Variants in TUB observed in about 807,000 individuals in gnomAD.
TUB encodes the protein tubby protein homolog.
Under a neutral mutation model 59.7 loss-of-function variants are expected in TUB, and 33 were observed. The observed-to-expected ratio is 0.55, with a 90% CI of 0.42 to 0.74. The LOEUF is 0.74. TUB is among the 30% of genes least tolerant of loss of function. TUB has a pLI of 0.00. For missense variants in TUB, 659 were observed against 672.0 expected (o/e 0.98, Z 0.21); for synonymous variants, 293 against 256.4 (o/e 1.14, Z -1.36).
rs1040381457 is a variant in TUB at position 8,103,817 on chromosome 11, C to T, written c.*2198C>T. On this transcript the variant is annotated 3_prime_UTR_variant, in exon 12 of 12. Coordinates refer to ENST00000299506, the MANE Select transcript of TUB (RefSeq NM_177972.3). ...ATCTATGATTTTAAGATAGAACAGG[C>T]TGGTTCTGAGTTCTGGTGAGACGGA... 3 of 152,592 alleles carry T rather than the reference C, an allele frequency of 2.0e-5. No homozygotes were observed. The highest frequency in any genetic ancestry group is 4.4e-5 in the Non-Finnish European group (3 of 68,058). The allele number at this position is 152,592 out of a possible 1,614,324, so 9.5% of individuals were successfully genotyped here.
rs1160814947 is a variant in TUB at position 8,089,502 on chromosome 11, C to T, written c.39-108C>T. On this transcript the variant is annotated intron_variant, in intron 1 of 11. Transcript: ENST00000299506. ...ATGTGGGCTCACTGAGTCCCAGCAG[C>T]CGTGATGGGATGGGTTTAACGGGCC... 6.0e-6 allele frequency: 8 copies of T among 1,334,798 alleles called. No homozygotes were observed. The South Asian group carries it at 9.8e-5, about 16-fold the overall frequency. 82.7% of individuals were successfully genotyped at this position (1,334,798 alleles called of 1,614,324 possible). A position where few individuals can be genotyped will look rare whatever the true frequency, so the allele number is the denominator to read the frequency against.
chr11:8,032,294 T>G (rs1036473967), intron 1 of TUB, among the ~76,000 whole-genome samples: 1 of 152,130 alleles, frequency 6.6e-6, no homozygotes, highest in Non-Finnish European at 1.5e-5. Flanking sequence ...AGTATCGCCC[T>G]ACAAGGCAGC....
At chr11:8,067,319 G>A (rs1943264893) in intron 2 of TUB, 1 of 152,198 alleles carries the variant, frequency 6.6e-6, no homozygotes, top group African/African-American at 2.4e-5. Context: ...TTTGGCCCCT[G>A]GCTCTGCTCC....
rs1415298754 is a variant in TUB, at chr11:8,039,733, G to A, written c.203+41G>A. 6 of 1,477,620 alleles carry A rather than the reference G, an allele frequency of 4.1e-6. No homozygotes were observed. In the Admixed American group the frequency reaches 7.2e-5, roughly 18 times the overall value. The allele number at this position is 1,477,620 out of a possible 1,614,324, so 91.5% of individuals were successfully genotyped here. On this transcript the variant is annotated intron_variant, in intron 2 of 12. Coordinates refer to the TUB transcript ENST00000305253. ...GGAGGGCGTGCCGGCCCTGGGAAAG[G>A]GCCAACCACAGGAGACTGTGAGGGA...
intron 2 of TUB, chr11:8,075,974 C>T (rs934316650): frequency 6.6e-6 from 1 of 152,254 alleles, no homozygotes; most frequent in Non-Finnish European, 1.5e-5. Flanking sequence ...GAGACCACCC[C>T]ATCGCTGGAG....
intron 1 of TUB, among the ~76,000 whole-genome samples, chr11:8,087,378 G>C (rs1943687894): frequency 6.6e-6 from 1 of 152,262 alleles, no homozygotes; most frequent in South Asian, 2.1e-4. Flanking sequence ...CCCTCTGAAA[G>C]TGTGAGTGGC....
In TUB at chr11:8,081,271, GCGCGCACGACC is replaced by G. The variant is rs1333330074; in HGVS notation, c.-232_-222del. 28 of 703,670 alleles carry G rather than the reference GCGCGCACGACC, an allele frequency of 4.0e-5. No homozygotes were observed. Among genetic ancestry groups the G allele is most frequent in the Non-Finnish European group, 4.9e-5 (28 of 572,842 alleles). 43.6% of individuals were successfully genotyped at this position (703,670 alleles called of 1,614,324 possible). On this transcript the variant is annotated 5_prime_UTR_variant, in exon 1 of 12. Coordinates refer to ENST00000299506, the MANE Select transcript of TUB (RefSeq NM_177972.3). The stretch of plus-strand genomic sequence containing the variant: ...GCGGTCGGCCTCCCCGCCTCCACGC[GCGCGCACGACC>G]CGCGCACTCCCGGAGCTTCGCCCAT...
At chr11:8,054,774 T>C (rs1349404555) in intron 2 of TUB, among the ~76,000 whole-genome samples, 1 of 152,236 alleles carries the variant, frequency 6.6e-6, no homozygotes. Flanking sequence ...CCTGTGTTCA[T>C]ACATGTGCAT....
rs1448022686 is a variant in TUB, at chr11:8,100,599, A to C, written c.1213A>C (p.Asn405His). Residue 405 changes from asparagine (N) to histidine (H), a missense_variant and splice_region_variant, in exon 10 of 12, where the codon AAC becomes CAC. Asn to His is a moderately conservative substitution (Grantham distance 68). This residue lies in a region of TUB where 226 missense variants were observed against 210.8 expected (regional missense o/e 1.07). Coordinates refer to ENST00000299506, the MANE Select transcript of TUB (RefSeq NM_177972.3). ...VHERVSIRPR[N>H]EHETLLARWQ... ...TGAGAGAGTCTCTATCCGCCCCCGC[A>C]ACGTGAGTGTCTACCCCTTCCTCCC... 1 of 1,613,624 alleles carries C rather than the reference A, an allele frequency of 6.2e-7. No homozygotes were observed. Among genetic ancestry groups the C allele is most frequent in the East Asian group, 2.2e-5 (1 of 44,864 alleles).
chr11:8,035,080 G>T (rs561450957), upstream of TUB, among the ~76,000 whole-genome samples: 26 of 152,336 alleles, frequency 1.7e-4, no homozygotes, highest in Admixed American at 9.8e-4. Context: ...TGAGACTAGG[G>T]TGAGGCTAGA....
chr11:8,078,549 C>T (rs930221386), upstream of TUB, among the ~76,000 whole-genome samples: 9 of 152,088 alleles, frequency 5.9e-5, no homozygotes, highest in Non-Finnish European at 1.5e-5. Flanking sequence ...ATGTCAACCA[C>T]GGAAGTCATT....
intron 1 of TUB, among the ~76,000 whole-genome samples, chr11:8,020,275 GGGCTGGAAGACAAACTTCATT>G (rs569332924): frequency 6.2e-4 from 94 of 152,294 alleles, no homozygotes; most frequent in African/African-American, 2.2e-3. Flanking sequence ...TAGATGGTGA[GGGCTGGAAGACAAACTTCATT>G]TACTGGGCTG....
intron 2 of TUB, among the ~76,000 whole-genome samples, chr11:8,056,820 C>A (rs1419575768): frequency 6.6e-6 from 1 of 151,832 alleles, no homozygotes; most frequent in Non-Finnish European, 1.5e-5. Flanking sequence ...GCAGGCATGT[C>A]CCCAAAACAA....
intron 2 of TUB, among the ~76,000 whole-genome samples, chr11:8,058,363 G>A (rs1270472679): frequency 6.6e-6 from 1 of 152,166 alleles, no homozygotes; most frequent in African/African-American, 2.4e-5. Context: ...GGGTGGAACT[G>A]CCACGTGACC....
chr11:8,074,236 G>A (rs1943409112), intron 2 of TUB, among the ~76,000 whole-genome samples: 1 of 152,080 alleles, frequency 6.6e-6, no homozygotes, highest in Non-Finnish European at 1.5e-5. Context: ...GAGCTAAGAG[G>A]AGGTTCAAAC....
intron 1 of TUB, among the ~76,000 whole-genome samples, chr11:8,025,501 C>T (rs901026143): frequency 6.6e-6 from 1 of 152,114 alleles, no homozygotes; most frequent in Non-Finnish European, 1.5e-5. Context: ...CCCAACTCCC[C>T]GCACCCACTC....
chr11:8,083,613 G>C (rs7928493), intron 1 of TUB, among the ~76,000 whole-genome samples: 126,056 of 151,230 alleles, frequency 0.83, 54,069 homozygotes, highest in East Asian at 1. Context: ...CCCCTCCACC[G>C]CCACCCCTCC....
chr11:8,028,394 C>A (rs1248111404), intron 1 of TUB, among the ~76,000 whole-genome samples: 1 of 152,160 alleles, frequency 6.6e-6, no homozygotes, highest in Non-Finnish European at 1.5e-5. Flanking sequence ...GTTGTCTTCT[C>A]ACTTTCTTGA....
At chr11:8,056,482 C>T (rs1231865007) in intron 2 of TUB, among the ~76,000 whole-genome samples, 1 of 151,948 alleles carries the variant, frequency 6.6e-6, no homozygotes, top group Non-Finnish European at 1.5e-5. Context: ...GGCAGGGGGA[C>T]GTCTGGAGTG....
Sources: allele counts gnomAD v4.1 joint callset (sites outside exome capture counted in the v4.1 genomes callset), GRCh38; gene constraint gnomAD v4.1.1; regional missense constraint gnomAD v4.1.1; transcripts MANE v1.5; gene names NCBI Gene and HGNC (gene_info 2026-07-23, HGNC 2026-07-21).